The following CLASP2 variants were observed in gnomAD, a reference collection of about 807,000 sequenced individuals.
CLASP2 encodes cytoplasmic linker associated protein 2.
CLASP2 carries 47 observed loss-of-function variants against 194.4 expected under a neutral mutation model. The observed-to-expected ratio is 0.24, with a 90% confidence interval of 0.19 to 0.31. The LOEUF is 0.31. Ranked by LOEUF, CLASP2 falls within the 10% of genes least tolerant of loss-of-function variation. CLASP2 has a pLI of 1.00. For synonymous variants in CLASP2, 619 were observed against 633.5 expected (o/e 0.98, Z 0.34); for missense variants, 1,445 against 1,823.6 (o/e 0.79, Z 3.78).
intron 9 of CLASP2, among the ~76,000 whole-genome samples, chr3:33,631,694 C>A (rs1433426205): frequency 1.5e-5 from 2 of 133,976 alleles, no homozygotes; most frequent in East Asian, 2.3e-4. Context: ...TAGACTTCAT[C>A]TCAAAAAAAA....
At chr3:33,622,437 G>T (rs1308108024) in intron 10 of CLASP2, among the ~76,000 whole-genome samples, 157 bp from the exon 11 acceptor site, 1 of 152,114 alleles carries the variant, frequency 6.6e-6, no homozygotes, top group Admixed American at 6.5e-5. Context: ...AGCATTAAAT[G>T]TATCTTGTAA....
intron 6 of CLASP2, among the ~76,000 whole-genome samples, chr3:33,672,662 C>G (rs1378313427): frequency 2.0e-5 from 3 of 152,080 alleles, no homozygotes; most frequent in Non-Finnish European, 4.4e-5. Flanking sequence ...GGAGGAAATT[C>G]AAACCAAAGG....
At chr3:33,669,520 A>C (rs1361946090) in intron 6 of CLASP2, among the ~76,000 whole-genome samples, 1 of 152,104 alleles carries the variant, frequency 6.6e-6, no homozygotes, top group Non-Finnish European at 1.5e-5. Context: ...AGCATTGACA[A>C]TGGCTTGTAT....
chr3:33,562,587 G>T (rs939528607), intron 27 of CLASP2, among the ~76,000 whole-genome samples: 1 of 152,062 alleles, frequency 6.6e-6, no homozygotes, highest in Non-Finnish European at 1.5e-5. Context: ...TCAGAAATGG[G>T]CAAACACTAC....
chr3:33,561,827 T>C (rs910269761), intron 27 of CLASP2, among the ~76,000 whole-genome samples: 1 of 152,060 alleles, frequency 6.6e-6, no homozygotes, highest in Non-Finnish European at 1.5e-5. Flanking sequence ...AGTTTCTAGA[T>C]AAAGAAGAAA....
chr3:33,642,357 C>T lies in CLASP2; in HGVS notation c.862+2400G>A, dbSNP rs139939670. Among the ~76,000 whole-genome samples, 96 of 151,804 alleles carry T rather than the reference C, an allele frequency of 6.3e-4. 1 individual carries two copies. Among genetic ancestry groups the T allele is most frequent in the African/African-American group, 2.1e-3 (87 of 41,500 alleles). ...AATAATTTAAGACAACGAGAAAATGCTTAGGGTAAAATATAAGTTACAAAA... is the reference window on the plus strand; with the variant it reads ...AATAATTTAAGACAACGAGAAAATGTTTAGGGTAAAATATAAGTTACAAAA... On this transcript the variant is annotated intron_variant, in intron 8 of 38. Coordinates refer to ENST00000682230, the MANE Select transcript of CLASP2 (RefSeq NM_001365631.1).
chr3:33,630,983 T>G (rs1230388094), intron 9 of CLASP2, among the ~76,000 whole-genome samples: 1 of 152,218 alleles, frequency 6.6e-6, no homozygotes, highest in African/African-American at 2.4e-5. Flanking sequence ...AAAAAACATA[T>G]ATCTCAATAA....
intron 21 of CLASP2, among the ~76,000 whole-genome samples, chr3:33,586,042 C>T (rs951533705): frequency 3.9e-5 from 6 of 152,034 alleles, no homozygotes; most frequent in African/African-American, 7.3e-5. Flanking sequence ...AATAGCAAAG[C>T]GCTCTTGGGT....
At chr3:33,687,213 T>C (rs2090786186) in intron 4 of CLASP2, 78 bp from the exon 5 acceptor site, 1 of 862,866 alleles carries the variant, frequency 1.2e-6, no homozygotes, top group African/African-American at 1.7e-5. Context: ...TACCTTCTTG[T>C]CTGTAGCAAT....
intron 7 of CLASP2, among the ~76,000 whole-genome samples, chr3:33,655,276 T>C (rs1392455165): frequency 6.6e-6 from 1 of 152,174 alleles, no homozygotes; most frequent in Non-Finnish European, 1.5e-5. Context: ...TTACTATTGG[T>C]GCCCAACCCC....
At chr3:33,671,210 G>A (rs1304115893) in intron 6 of CLASP2, among the ~76,000 whole-genome samples, 1 of 152,170 alleles carries the variant, frequency 6.6e-6, no homozygotes, top group Middle Eastern at 3.4e-3. Context: ...AGAGACAGAG[G>A]CTCACTAAAA....
chr3:33,506,795 G>T (rs932654102), intron 37 of CLASP2, among the ~76,000 whole-genome samples: 1 of 152,044 alleles, frequency 6.6e-6, no homozygotes, highest in African/African-American at 2.4e-5. Context: ...AAATGTGAGG[G>T]TTATTTTTGG....
At chr3:33,633,573 T>A (rs983929759) in intron 8 of CLASP2, among the ~76,000 whole-genome samples, 3 of 152,120 alleles carry the variant, frequency 2.0e-5, no homozygotes, top group Non-Finnish European at 4.4e-5. Context: ...ACCGTCGATA[T>A]TAGAATTGTC....
intron 1 of CLASP2, among the ~76,000 whole-genome samples, chr3:33,707,577 C>T (rs1436646717): frequency 2.6e-5 from 4 of 152,146 alleles, no homozygotes; most frequent in Non-Finnish European, 5.9e-5. Context: ...ACATCACACA[C>T]ACACAAAAAA....
intron 32 of CLASP2, among the ~76,000 whole-genome samples, chr3:33,540,066 T>C (rs2154141622): frequency 6.6e-6 from 1 of 151,860 alleles, no homozygotes; most frequent in South Asian, 2.1e-4. Flanking sequence ...GTAGCTGGGA[T>C]TACAGGCTCC....
chr3:33,644,763 C>A lies in CLASP2; in HGVS notation c.856G>T (p.Val286Phe). 1 of 1,613,154 alleles carries A rather than the reference C, an allele frequency of 6.2e-7. No individual in the cohort carries two copies. Among genetic ancestry groups the A allele is most frequent in the Non-Finnish European group, 8.5e-7 (1 of 1,179,578 alleles). The stretch of plus-strand genomic sequence containing the variant: ...TGAAATGGATTTACATTACCTCCAA[C>A]CTTAGGGCCACCTGCTGAACCAGGC... ...RKPGSAGGPK[V>F]GGASKEGGAG... Residue 286 changes from valine (V) to phenylalanine (F), a missense_variant, in exon 8 of 39, where the codon GTT (valine) becomes TTT (phenylalanine). Val to Phe is a conservative substitution (Grantham distance 50). Around this residue, in one of 4 missense-constraint regions of CLASP2, gnomAD observed 207 missense variants for 331.4 expected, o/e 0.62. Coordinates refer to ENST00000682230, the MANE Select transcript of CLASP2 (RefSeq NM_001365631.1).
chr3:33,619,561 G>T lies in CLASP2; in HGVS notation c.1317+42C>A, dbSNP rs372673431. ...AGGGGGAGGAAGAAGAAACAAAAGTGGGGGGAGGAGGCAGCAGTAGAAAAC... is the reference window on the plus strand; with the variant it reads ...AGGGGGAGGAAGAAGAAACAAAAGTTGGGGGAGGAGGCAGCAGTAGAAAAC... On this transcript the variant is annotated intron_variant, in intron 12 of 38. Coordinates refer to ENST00000682230, the MANE Select transcript of CLASP2 (RefSeq NM_001365631.1). 2.1e-4 allele frequency: 306 copies of T among 1,479,260 alleles called. 3 individuals are homozygous for T. The Middle Eastern group carries it at 3.3e-3, about 16-fold the overall frequency. 91.6% of individuals were successfully genotyped at this position (1,479,260 alleles called of 1,614,324 possible).
At chr3:33,612,896 G>C (rs1431864618) in intron 12 of CLASP2, among the ~76,000 whole-genome samples, 2 of 152,140 alleles carry the variant, frequency 1.3e-5, no homozygotes, top group East Asian at 1.9e-4. Flanking sequence ...GGAAGGATAG[G>C]GGGAGGAGGG....
chr3:33,654,221 G>C, intron 7 of CLASP2, among the ~76,000 whole-genome samples: 1 of 152,048 alleles, frequency 6.6e-6, no homozygotes, highest in East Asian at 1.9e-4. Context: ...AAAATCTACG[G>C]AATCGTTTTA....
Sources: gnomAD v4.1 joint callset for allele counts (sites outside exome capture counted in the v4.1 genomes callset) on GRCh38, gnomAD v4.1.1 for gene constraint, gnomAD v4.1.1 regional missense constraint, MANE v1.5 for transcripts, NCBI Gene and HGNC (gene_info 2026-07-23, HGNC 2026-07-21) for gene names.